Variants in DENND4A observed in about 807,000 individuals in gnomAD.
DENND4A encodes DENN domain containing 4A.
A neutral mutation model predicts 199.3 loss-of-function variants in DENND4A; 70 were observed. The observed-to-expected ratio is 0.35, with a 90% CI of 0.29 to 0.43. The LOEUF is 0.43. Ranked by LOEUF, DENND4A falls within the 20% of genes least tolerant of loss-of-function variation. The pLI is 1.00. For missense variants in DENND4A, 1,723 were observed against 2,255.8 expected, an observed-to-expected ratio of 0.76 and a Z score of 4.78; for synonymous variants, 686 against 766.9, an observed-to-expected ratio of 0.89 and a Z score of 1.74.
At chr15:65,701,350 T>C (rs565289608) in intron 18 of DENND4A, among the ~76,000 whole-genome samples, 158 bp from the exon 19 acceptor site, 49 of 152,242 alleles carry the variant, frequency 3.2e-4, no homozygotes, top group African/African-American at 1.2e-3. Context: ...GTGGATCACT[T>C]GAGCCCAGGA....
intron 29 of DENND4A, among the ~76,000 whole-genome samples, chr15:65,666,778 CA>C (rs36113125): frequency 0.013 from 1,171 of 91,738 alleles, 6 homozygotes; most frequent in African/African-American, 0.028. Flanking sequence ...GACCTTGTGT[CA>C]AAAAAAAAAA....
intron 4 of DENND4A, among the ~76,000 whole-genome samples, chr15:65,751,221 T>C (rs1000318230): frequency 6.6e-6 from 1 of 152,154 alleles, no homozygotes; most frequent in African/African-American, 2.4e-5. Flanking sequence ...ATGTTCGAGA[T>C]ACATTTTGAA....
At chr15:65,782,999 GAAA>G (rs531997308) in intron 1 of DENND4A, among the ~76,000 whole-genome samples, 1 of 143,314 alleles carries the variant, frequency 7.0e-6, no homozygotes, top group South Asian at 2.2e-4. Context: ...AAGTCAGGAG[GAAA>G]AAAAAACACA....
Position 65,718,004 on chromosome 15 carries a change from G to A in DENND4A, c.1589-8C>T. On this transcript the variant is annotated splice_polypyrimidine_tract_variant and splice_region_variant and intron_variant, in intron 12 of 32. Coordinates refer to ENST00000443035, the MANE Select transcript of DENND4A (RefSeq NM_001320835.1). ...CTCTCGGTCTCTGCTGCACTGTGAA[G>A]ACATACAGTGTTAGTGTTTTCTCCA... 1 of 1,565,656 alleles carries A rather than the reference G, an allele frequency of 6.4e-7. No individual in the cohort carries two copies. Among genetic ancestry groups the A allele is most frequent in the Non-Finnish European group, 8.7e-7 (1 of 1,149,274 alleles).
chr15:65,760,780 T>C (rs1025287350), intron 2 of DENND4A, among the ~76,000 whole-genome samples: 3 of 151,640 alleles, frequency 2.0e-5, no homozygotes, highest in Non-Finnish European at 4.4e-5. Context: ...TCCCAGCTAC[T>C]TGAGAGGCTG....
intron 23 of DENND4A, 67 bp downstream of exon 23, chr15:65,690,342 CGAGTAA>C (rs145876869): frequency 0.013 from 19,285 of 1,446,286 alleles, 713 homozygotes; most frequent in African/African-American, 0.13. Flanking sequence ...ATAGTTAAAA[CGAGTAA>C]GGGGCTTTTG....
intron 23 of DENND4A, among the ~76,000 whole-genome samples, chr15:65,688,455 C>T (rs992049858): frequency 1.3e-5 from 2 of 152,122 alleles, no homozygotes; most frequent in African/African-American, 4.8e-5. Flanking sequence ...AGCCTGGGTA[C>T]TGTTATAATA....
At chr15:65,715,877 T>C (rs988936300) in intron 13 of DENND4A, among the ~76,000 whole-genome samples, 3 of 152,142 alleles carry the variant, frequency 2.0e-5, no homozygotes, top group African/African-American at 4.8e-5. Context: ...GATTATAAAC[T>C]AGTATATTTG....
Position 65,690,391 on chromosome 15 carries a change from G to C in DENND4A, c.4179+24C>G, listed in dbSNP as rs377127648. ...TGGATATGTGTGTGTGACAGTAAAAGTAGCAAATACTAACCAAACTTACCT... is the reference window on the plus strand; with the variant it reads ...TGGATATGTGTGTGTGACAGTAAAACTAGCAAATACTAACCAAACTTACCT... On this transcript the variant is annotated intron_variant, in intron 23 of 32. Transcript: ENST00000443035. 37 of 1,532,412 alleles carry C rather than the reference G, an allele frequency of 2.4e-5. No individual in the cohort carries two copies. The African/African-American group carries it at 4.0e-4, about 17-fold the overall frequency. 94.9% of individuals were successfully genotyped at this position (1,532,412 alleles called of 1,614,324 possible).
intron 1 of DENND4A, chr15:65,767,468 A>C (rs2077017294): frequency 6.6e-6 from 1 of 152,198 alleles, no homozygotes; most frequent in Non-Finnish European, 1.5e-5. Flanking sequence ...TTTGGCACAA[A>C]GACTCATTCT....
At chr15:65,742,647 C>T (rs1347806158) in intron 4 of DENND4A, among the ~76,000 whole-genome samples, 2 of 152,136 alleles carry the variant, frequency 1.3e-5, no homozygotes, top group African/African-American at 4.8e-5. Context: ...TGGTGTTGGC[C>T]AGGCTGGTCT....
chr15:65,667,463 T>A lies in DENND4A; in HGVS notation c.5227A>T (p.Asn1743Tyr), dbSNP rs1346584425. 6.2e-7 allele frequency: 1 copy of A among 1,614,012 alleles called. No individual in the cohort carries two copies. Among genetic ancestry groups the A allele is most frequent in the Admixed American group, 1.7e-5 (1 of 60,032 alleles). ...PGLILSSEHC[N>Y]KYSKIPRHCM... ...TAGTCTCATACCTTTGAATACTTGTTACAGTGCTCAGAAGAAAGAATCAAT... is the reference window on the plus strand; with the variant it reads ...TAGTCTCATACCTTTGAATACTTGTAACAGTGCTCAGAAGAAAGAATCAAT... Residue 1743 changes from asparagine to tyrosine, a missense_variant, in exon 29 of 33, where the codon AAC becomes TAC. Asn to Tyr is a moderately radical substitution (Grantham distance 143). Around this residue, in one of 6 missense-constraint regions of DENND4A, gnomAD observed 164 missense variants for 280.1 expected, o/e 0.59. Transcript: ENST00000443035.
chr15:65,696,314 C>T, intron 22 of DENND4A, 52 bp downstream of exon 22: 2 of 1,569,138 alleles, frequency 1.3e-6, no homozygotes, highest in Non-Finnish European at 1.7e-6. Context: ...ATTCACTAGT[C>T]ATACAGATAC....
chr15:65,770,092 T>C (rs1193360839), intron 1 of DENND4A, among the ~76,000 whole-genome samples: 1 of 152,214 alleles, frequency 6.6e-6, no homozygotes, highest in East Asian at 1.9e-4. Flanking sequence ...CCTGCTGCTC[T>C]ATTTCTGCTC....
chr15:65,696,591 T>A, intron 21 of DENND4A, 94 bp from the exon 22 acceptor site: 1 of 831,062 alleles, frequency 1.2e-6, no homozygotes, highest in South Asian at 1.9e-5. Context: ...TATTTTTACT[T>A]GAAAATAGGT....
intron 23 of DENND4A, among the ~76,000 whole-genome samples, chr15:65,685,550 G>A (rs1056904249): frequency 1.3e-5 from 2 of 152,180 alleles, no homozygotes; most frequent in Non-Finnish European, 2.9e-5. Flanking sequence ...GTTGGTATTT[G>A]CACATAACCT....
chr15:65,728,655 G>A (rs1430278975), intron 11 of DENND4A, among the ~76,000 whole-genome samples: 1 of 151,292 alleles, frequency 6.6e-6, no homozygotes, highest in Non-Finnish European at 1.5e-5. Flanking sequence ...AGCTAATTTT[G>A]TATTTTTATT....
intron 32 of DENND4A, among the ~76,000 whole-genome samples, chr15:65,663,982 T>C (rs2077601236): frequency 1.3e-5 from 2 of 152,170 alleles, no homozygotes; most frequent in Non-Finnish European, 2.9e-5. Flanking sequence ...TCCTGACTAG[T>C]CCTTTTCTTG....
Position 65,752,578 on chromosome 15 carries a change from T to C in DENND4A, c.362A>G (p.Gln121Arg). 1.2e-6 allele frequency: 2 copies of C among 1,600,118 alleles called. No individual in the cohort carries two copies. The highest frequency in any genetic ancestry group is 1.7e-6 in the Non-Finnish European group (2 of 1,171,588). ...ERLKQGCEII[Q>R]STPYGRPANI... ...TGCGGGGCGCCCATAGGGAGTACTC[T>C]GAATAATTTCACAACCCTGTTTCAA... The change falls in exon 4 of 33, where the codon CAG becomes CGG. Residue 121 changes from glutamine (Q) to arginine (R), a missense_variant. This residue lies in a region of DENND4A where 725 missense variants were observed against 952.9 expected (regional missense o/e 0.76). Coordinates refer to ENST00000443035, the MANE Select transcript of DENND4A (RefSeq NM_001320835.1).
Sources: gnomAD v4.1 joint callset for allele counts (sites outside exome capture counted in the v4.1 genomes callset) on GRCh38, gnomAD v4.1.1 for gene constraint, gnomAD v4.1.1 regional missense constraint, MANE v1.5 for transcripts, NCBI Gene and HGNC (gene_info 2026-07-23, HGNC 2026-07-21) for gene names.